CELF2: variants seen among roughly 807,000 people sequenced by gnomAD.
CELF2 encodes the protein CUG triplet repeat RNA-binding protein 2.
Under a neutral mutation model 62.6 loss-of-function variants are expected in CELF2, and 8 were observed. The ratio of observed to expected loss-of-function variants is 0.13; its 90% CI spans 0.07 to 0.23. The LOEUF is 0.23. Ranked by LOEUF, CELF2 falls within the 10% of genes least tolerant of loss-of-function variation. The probability of loss-of-function intolerance (pLI) is 1.00; values close to 1 mark genes in which losing one functional copy is unlikely to be tolerated. For synonymous variants in CELF2, 258 were observed against 250.0 expected, an observed-to-expected ratio of 1.03 and a Z score of -0.30; for missense variants, 333 against 671.0, an observed-to-expected ratio of 0.50 and a Z score of 5.56.
chr10:11,290,398 G>A lies in CELF2; in HGVS notation c.976+1846G>A, dbSNP rs2092332536. On this transcript the variant is annotated intron_variant, in intron 9 of 12. Transcript: ENST00000633077. The surrounding 1 kb of genome is among the most constrained non-coding windows in gnomAD (Gnocchi z 4.3). ...TGGGGGAGAGCGGAGTGGGGGCTCTGTGGTGGACCGCGTCCGTTCCAGCCC... is the reference window on the plus strand; with the variant it reads ...TGGGGGAGAGCGGAGTGGGGGCTCTATGGTGGACCGCGTCCGTTCCAGCCC... 6.6e-6 allele frequency among the ~76,000 whole-genome samples: 1 copy of A among 152,154 alleles called. No individual in the cohort carries two copies. The highest frequency in any genetic ancestry group is 2.4e-5 in the African/African-American group (1 of 41,424).
intron 1 of CELF2, among the ~76,000 whole-genome samples, chr10:10,884,036 T>C (rs1403684290): frequency 6.6e-6 from 1 of 152,042 alleles, no homozygotes; most frequent in African/African-American, 2.4e-5. Context: ...GTCTTCCTCC[T>C]CTTTGTCAGG....
chr10:10,908,606 A>T (rs903637111), intron 1 of CELF2, among the ~76,000 whole-genome samples: 2 of 152,164 alleles, frequency 1.3e-5, no homozygotes, highest in African/African-American at 4.8e-5. Flanking sequence ...GCATTTTATT[A>T]TGTGTTTATA....
chr10:10,699,521 A>C, the CELF2 span, among the ~76,000 whole-genome samples: 1 of 152,254 alleles, frequency 6.6e-6, no homozygotes, highest in African/African-American at 2.4e-5. Context: ...CGATCATGAA[A>C]GCATTCCAGG....
intron 9 of CELF2, among the ~76,000 whole-genome samples, chr10:11,304,960 C>G (rs1288327968): frequency 6.6e-6 from 1 of 152,196 alleles, no homozygotes; most frequent in Admixed American, 6.5e-5. Flanking sequence ...AAATAAGCTT[C>G]ATTTACCTAT....
the CELF2 span, among the ~76,000 whole-genome samples, chr10:10,762,579 C>T: frequency 6.6e-6 from 1 of 152,190 alleles, no homozygotes; most frequent in Non-Finnish European, 1.5e-5. Context: ...ACTGAGACAA[C>T]ATTCCGGAAT....
At chr10:10,740,736 T>C in the CELF2 span, among the ~76,000 whole-genome samples, 32,758 of 152,202 alleles carry the variant, frequency 0.22, 4,292 homozygotes, top group South Asian at 0.48. Flanking sequence ...ACACACTCAA[T>C]GGAGTATTAA....
At chr10:10,768,665 C>T in the CELF2 span, among the ~76,000 whole-genome samples, 1 of 151,396 alleles carries the variant, frequency 6.6e-6, no homozygotes, top group East Asian at 1.9e-4. Context: ...CTTCTGCCTG[C>T]TGGGTTCAAG....
At chr10:11,256,078 C>T (rs2078654169) in intron 4 of CELF2, among the ~76,000 whole-genome samples, 1 of 152,256 alleles carries the variant, frequency 6.6e-6, no homozygotes. Flanking sequence ...TCTCTTCCTT[C>T]CACTCTGGGA....
intron 2 of CELF2, among the ~76,000 whole-genome samples, chr10:10,945,602 T>G (rs531598421): frequency 3.3e-5 from 5 of 152,232 alleles, no homozygotes; most frequent in Non-Finnish European, 7.3e-5. Flanking sequence ...TTTAGCCATC[T>G]AGGCAGTACA....
chr10:10,506,931 C>A, the CELF2 span, among the ~76,000 whole-genome samples: 1 of 152,052 alleles, frequency 6.6e-6, no homozygotes, highest in Non-Finnish European at 1.5e-5. Context: ...TCCCAAAGTG[C>A]TGAGATTACG....
the CELF2 span, among the ~76,000 whole-genome samples, chr10:10,787,224 T>A: frequency 6.8e-6 from 1 of 147,290 alleles, no homozygotes; most frequent in Admixed American, 6.8e-5. Context: ...TAAGGTTTGA[T>A]GTCACACACA....
At chr10:11,272,701 A>G (rs1255907431) in intron 7 of CELF2, among the ~76,000 whole-genome samples, 2 of 152,170 alleles carry the variant, frequency 1.3e-5, no homozygotes, top group Non-Finnish European at 2.9e-5. Context: ...TTTCTTGGCC[A>G]TGTTTGTCCT....
intron 8 of CELF2, among the ~76,000 whole-genome samples, chr10:11,284,425 T>G (rs2090381777): frequency 2.8e-5 from 4 of 141,494 alleles, no homozygotes; most frequent in Admixed American, 1.4e-4. Context: ...GTGTGGTAGG[T>G]GGATGATGGA....
Position 11,332,947 on chromosome 10 carries a change from C to G in CELF2, c.*3894C>G, listed in dbSNP as rs1037177873. ...CTCTCTCTGAGAACACGGTGTGTCT[C>G]GACACGTACCACGTACGTGGAAACA... On this transcript the variant is annotated 3_prime_UTR_variant, in exon 13 of 13. Coordinates refer to ENST00000633077, the MANE Select transcript of CELF2 (RefSeq NM_001326342.2). 1 of 152,614 alleles carries G rather than the reference C, an allele frequency of 6.6e-6. No homozygotes were observed. Among genetic ancestry groups the G allele is most frequent in the African/African-American group, 2.4e-5 (1 of 41,426 alleles). 9.5% of individuals were successfully genotyped at this position (152,614 alleles called of 1,614,324 possible).
the CELF2 span, among the ~76,000 whole-genome samples, chr10:10,734,719 T>C: frequency 1.3e-5 from 2 of 152,240 alleles, no homozygotes; most frequent in African/African-American, 4.8e-5. Context: ...TCTTAATCTA[T>C]TGTGGTCATA....
chr10:10,604,865 T>C, the CELF2 span, among the ~76,000 whole-genome samples: 1 of 152,216 alleles, frequency 6.6e-6, no homozygotes, highest in Non-Finnish European at 1.5e-5. Flanking sequence ...TTCTATCTTC[T>C]TAAAAATAGT....
chr10:10,877,741 G>T (rs898602007), intron 1 of CELF2, among the ~76,000 whole-genome samples: 4 of 152,180 alleles, frequency 2.6e-5, no homozygotes, highest in African/African-American at 9.7e-5. Flanking sequence ...GGACGAGTTG[G>T]GTAGGAGGGA....
the CELF2 span, among the ~76,000 whole-genome samples, chr10:10,654,343 A>T: frequency 4.6e-5 from 5 of 109,332 alleles, 2 homozygotes; most frequent in African/African-American, 1.7e-4. Context: ...ATAGAAAAAG[A>T]GGGAATCCTC....
At chr10:10,811,244 G>T (rs2055853217) in intron 1 of CELF2, among the ~76,000 whole-genome samples, 1 of 152,204 alleles carries the variant, frequency 6.6e-6, no homozygotes, top group Non-Finnish European at 1.5e-5. Flanking sequence ...TAAGTGGTCA[G>T]GACAGATTTT....
Sources: gnomAD v4.1 joint callset for allele counts (sites outside exome capture counted in the v4.1 genomes callset) on GRCh38, gnomAD v4.1.1 for gene constraint, Gnocchi (gnomAD v3.1) non-coding constraint, MANE v1.5 for transcripts, NCBI Gene and HGNC (gene_info 2026-07-23, HGNC 2026-07-21) for gene names.